ME2: variants seen among roughly 807,000 people sequenced by gnomAD.
ME2 encodes the protein NAD-dependent malic enzyme, mitochondrial.
A neutral mutation model predicts 73.7 loss-of-function variants in ME2; 60 were observed. The observed-to-expected ratio is 0.81, with a 90% CI of 0.66 to 1.01. The LOEUF (loss-of-function observed/expected upper bound fraction) is 1.01, where lower values mean the gene tolerates loss of function less well. ME2 is among the 50% of genes least tolerant of loss of function. ME2 has a pLI of 0.00. For missense variants in ME2, 594 were observed against 705.5 expected, an observed-to-expected ratio of 0.84 and a Z score of 1.79; for synonymous variants, 199 against 236.9, an observed-to-expected ratio of 0.84 and a Z score of 1.47.
chr18:50,933,483 CTA>C lies in ME2; in HGVS notation c.1417+1127_1417+1128del, dbSNP rs1430970891. 3 of 152,050 alleles carry C rather than the reference CTA, an allele frequency of 2.0e-5. No individual in the cohort carries two copies. The East Asian group carries it at 5.8e-4, about 29-fold the overall frequency. The allele number at this position is 152,050 out of a possible 1,614,324, so 9.4% of individuals were successfully genotyped here. ...CCTTTTTTTTGCCCCTCATGTTTTC[CTA>C]TATGTCTCTTGAGACCTAACTTCTA... On this transcript the variant is annotated intron_variant, in intron 13 of 15. Transcript: ENST00000321341.
In ME2 at chr18:50,951,861, C is replaced by A. The variant is rs1918232172; in HGVS notation, c.*4677C>A. On this transcript the variant is annotated 3_prime_UTR_variant, in exon 16 of 16. Transcript: ENST00000321341. ...CAGCCTGGGCGACAGAGTGAGCCTC[C>A]ATCTCAAAAAAAAAAAAAAAAAAAA... is the stretch of plus-strand genomic sequence containing the variant. 1.2e-5 allele frequency: 1 copy of A among 82,546 alleles called. No individual in the cohort carries two copies. Among genetic ancestry groups the A allele is most frequent in the East Asian group, 3.6e-4 (1 of 2,774 alleles). The allele number at this position is 82,546 out of a possible 1,614,324, so 5.1% of individuals were successfully genotyped here. A position where few individuals can be genotyped will look rare whatever the true frequency, so the allele number is the denominator to read the frequency against.
At position 50,944,946 on chromosome 18, in the gene ME2, C is replaced by T. The variant is rs892272052; in HGVS notation, c.1588-2071C>T. On this transcript the variant is annotated intron_variant, in intron 15 of 15. Transcript: ENST00000321341. The stretch of plus-strand genomic sequence containing the variant: ...GGCCACGTGTTCAGCTCTCCAAGGT[C>T]GGAAGGAATGAGGAAAAATGTGTTT... 9.2e-5 allele frequency among the ~76,000 whole-genome samples: 14 copies of T among 152,152 alleles called. No homozygotes were observed. The East Asian group carries it at 1.4e-3, about 15-fold the overall frequency.
At chr18:50,895,177 GTT>G (rs1453205352) in intron 1 of ME2, among the ~76,000 whole-genome samples, 1 of 151,824 alleles carries the variant, frequency 6.6e-6, no homozygotes, top group African/African-American at 2.4e-5. Flanking sequence ...TTAATGTATA[GTT>G]TTCTCTTTAA....
chr18:50,890,618 AC>A (rs564898115), intron 1 of ME2, among the ~76,000 whole-genome samples: 113 of 152,210 alleles, frequency 7.4e-4, no homozygotes, highest in African/African-American at 2.5e-3. Context: ...CCTTTAAATA[AC>A]CTCTAAACTA....
At chr18:50,923,320 CAA>C (rs35028652) in intron 10 of ME2, among the ~76,000 whole-genome samples, 14,842 of 152,222 alleles carry the variant, frequency 0.098, 989 homozygotes, top group Non-Finnish European at 0.14. Flanking sequence ...AAACCTGACT[CAA>C]ACTAATAAGA....
intron 2 of ME2, among the ~76,000 whole-genome samples, chr18:50,904,558 C>T (rs1189081636): frequency 1.3e-5 from 2 of 152,064 alleles, no homozygotes; most frequent in African/African-American, 2.4e-5. Context: ...GTTGGGATTA[C>T]AGGCGTGAGC....
rs1320031263 is a variant in ME2 at position 50,950,467 on chromosome 18, C to CCTTTTTTTTTTTTTTT, written c.*3283_*3284insCTTTTTTTTTTTTTTT. On this transcript the variant is annotated 3_prime_UTR_variant, in exon 16 of 16. Coordinates refer to ENST00000321341, the MANE Select transcript of ME2 (RefSeq NM_002396.5). ...GCCTGGGGTGGGGCCTCAGATTCTG[C>CCTTTTTTTTTTTTTTT]TTTTTTTTTTTTTTTTTTTTTTTTT... The CCTTTTTTTTTTTTTTT allele has an allele frequency of 4.4e-5, 2 of 45,074 alleles. No individual in the cohort carries two copies. The highest frequency in any genetic ancestry group is 8.9e-5 in the African/African-American group (1 of 11,286). The allele number at this position is 45,074 out of a possible 1,614,324, so 2.8% of individuals were successfully genotyped here.
At chr18:50,903,851 T>C (rs1916948350) in intron 2 of ME2, among the ~76,000 whole-genome samples, 2 of 152,212 alleles carry the variant, frequency 1.3e-5, no homozygotes, top group South Asian at 4.1e-4. Flanking sequence ...AGAGTGACAG[T>C]TTTGGTTTTA....
intron 1 of ME2, among the ~76,000 whole-genome samples, chr18:50,894,330 G>A (rs576325544): frequency 4.7e-4 from 72 of 152,222 alleles, no homozygotes; most frequent in Admixed American, 7.2e-4. Context: ...TTGGGAGGCC[G>A]AGGCAGGTGG....
chr18:50,925,896 G>A lies in ME2; in HGVS notation c.1312G>A (p.Glu438Lys). 6.2e-7 allele frequency: 1 copy of A among 1,600,712 alleles called. No homozygotes were observed. The highest frequency in any genetic ancestry group is 1.3e-5 in the African/African-American group (1 of 74,752). Residue 438 changes from glutamate to lysine, a missense_variant and splice_region_variant, in exon 12 of 16, where the codon GAG (glutamate) becomes AAG (lysine). Glu to Lys is a moderately conservative substitution (Grantham distance 56). Transcript: ENST00000321341. ...GGCTGAAGAAGCATATACACTTACAGAGGTATTAATAATCACATGAATTGA... is the reference window on the plus strand; with the variant it reads ...GGCTGAAGAAGCATATACACTTACAAAGGTATTAATAATCACATGAATTGA... The part of the protein sequence containing the change: ...CTAEEAYTLT[E>K]GRCLFASGSP...
In ME2 at chr18:50,908,089, A is replaced by G; in HGVS notation, c.135A>G (p.Arg45=). ...NKGMAFTLQE[R]QMLGLQGLLP... ...GAATGGCATTTACTTTACAAGAACG[A>G]CAAATGCTTGGTCTTCAAGGACTTC... is the stretch of plus-strand genomic sequence containing the variant. Residue 45 remains arginine (R), a synonymous_variant, in exon 3 of 16, where the codon CGA becomes CGG. Coordinates refer to ENST00000321341, the MANE Select transcript of ME2 (RefSeq NM_002396.5). 1 of 1,589,670 alleles carries G rather than the reference A, an allele frequency of 6.3e-7. No individual in the cohort carries two copies.
intron 15 of ME2, among the ~76,000 whole-genome samples, chr18:50,943,211 G>A (rs755602369): frequency 1.6e-4 from 25 of 151,978 alleles, no homozygotes; most frequent in Non-Finnish European, 3.5e-4. Flanking sequence ...TAAACATTAG[G>A]ATTGACTGTG....
At chr18:50,942,749 C>T (rs891724362) in intron 15 of ME2, 12 of 295,062 alleles carry the variant, frequency 4.1e-5, no homozygotes, top group African/African-American at 2.6e-4. Context: ...AGGAATAATA[C>T]TAATTTGAAA....
intron 1 of ME2, among the ~76,000 whole-genome samples, chr18:50,893,700 A>G (rs1276752311): frequency 6.6e-6 from 1 of 152,242 alleles, no homozygotes; most frequent in Non-Finnish European, 1.5e-5. Flanking sequence ...ACATATTCAG[A>G]AATTAAATCA....
chr18:50,885,668 GTA>G (rs1036120151), intron 1 of ME2, among the ~76,000 whole-genome samples: 1 of 151,014 alleles, frequency 6.6e-6, no homozygotes, highest in African/African-American at 2.4e-5. Flanking sequence ...AAGCTACTTG[GTA>G]TATATATATA....
At chr18:50,944,976 C>T (rs1319266368) in intron 15 of ME2, among the ~76,000 whole-genome samples, 1 of 152,134 alleles carries the variant, frequency 6.6e-6, no homozygotes, top group Admixed American at 6.6e-5. Flanking sequence ...GTGTTTATTC[C>T]ATCCTCCTGG....
At chr18:50,945,911 A>G (rs1407263357) in intron 15 of ME2, among the ~76,000 whole-genome samples, 1 of 152,114 alleles carries the variant, frequency 6.6e-6, no homozygotes, top group Non-Finnish European at 1.5e-5. Context: ...TACTGAACAT[A>G]CAAAAATTTA....
At chr18:50,939,009 C>T (rs1034837426) in intron 13 of ME2, 2 of 151,208 alleles carry the variant, frequency 1.3e-5, no homozygotes, top group African/African-American at 4.9e-5. Flanking sequence ...TATGCTCTAA[C>T]TATATTGGGA....
At chr18:50,883,420 T>G (rs989318122) in intron 1 of ME2, among the ~76,000 whole-genome samples, 3 of 152,204 alleles carry the variant, frequency 2.0e-5, no homozygotes, top group Admixed American at 2.0e-4. Flanking sequence ...CTTAACAGCT[T>G]TAGTCCCAGT....
Sources: allele counts gnomAD v4.1 joint callset (sites outside exome capture counted in the v4.1 genomes callset), GRCh38; gene constraint gnomAD v4.1.1; transcripts MANE v1.5; gene names NCBI Gene and HGNC (gene_info 2026-07-23, HGNC 2026-07-21).